RNF157: variants seen among roughly 807,000 people sequenced by gnomAD.
RNF157 encodes the protein ring finger protein 157.
In RNF157, 55 loss-of-function variants were observed where a neutral mutation model predicts 88.3. The observed-to-expected ratio is 0.62, with a 90% CI of 0.50 to 0.78. The LOEUF is 0.78. Ranked by LOEUF, RNF157 falls within the 30% of genes least tolerant of loss-of-function variation. The pLI, the probability that RNF157 is intolerant of heterozygous loss-of-function variation, is 0.00. For synonymous variants in RNF157, 334 were observed against 341.2 expected (o/e 0.98, Z 0.23); for missense variants, 788 against 860.8 (o/e 0.92, Z 1.06).
At position 76,209,235 on chromosome 17, in the gene RNF157, C is replaced by T. The variant is rs116684370; in HGVS notation, c.207+3129G>A. On this transcript the variant is annotated intron_variant, in intron 2 of 18. Coordinates refer to ENST00000269391, the MANE Select transcript of RNF157 (RefSeq NM_052916.3). ...CACATGCCACTGTGCCCAGCTTGAT[C>T]TTCTTTGGGAAAAAGCCTCAACTTT... Among the ~76,000 whole-genome samples the T allele has an allele frequency of 6.1e-3, 926 of 152,142 alleles. 11 individuals carry two copies. Among genetic ancestry groups the T allele is most frequent in the African/African-American group, 0.021 (881 of 41,502 alleles).
Position 76,155,666 on chromosome 17 carries a change from CG to C in RNF157, c.1593del (p.Val532SerfsTer62), listed in dbSNP as rs1427982632. On this transcript the variant is annotated frameshift_variant, in exon 15 of 19. Transcript: ENST00000269391. LOFTEE classifies it high-confidence loss of function. ...SMASSQISTDTVSSMSGSYIA... is the reference protein window; with the variant it reads ...SMASSQISTDXVSSMSGSYIA... ...ATGTAGGAGCCAGACATGGAGGAGA[CG>C]GTGTCAGTGCTGATCTGGGAGGATG... The C allele has an allele frequency of 1.2e-6, 2 of 1,613,294 alleles. No homozygotes were observed. Among genetic ancestry groups the C allele is most frequent in the Non-Finnish European group, 1.7e-6 (2 of 1,179,712 alleles).
chr17:76,156,142 G>A, intron 14 of RNF157, 68 bp downstream of exon 14: 1 of 1,228,626 alleles, frequency 8.1e-7, no homozygotes, highest in African/African-American at 1.5e-5. Flanking sequence ...CTTCCCGGAA[G>A]AAGCACCAGG....
intron 2 of RNF157, among the ~76,000 whole-genome samples, chr17:76,177,971 T>C (rs1421484298): frequency 6.6e-6 from 1 of 152,204 alleles, no homozygotes; most frequent in African/African-American, 2.4e-5. Context: ...CGGAAAGAGC[T>C]ACCCACTGCG....
At chr17:76,210,397 T>A (rs542016291) in intron 2 of RNF157, among the ~76,000 whole-genome samples, 11 of 151,654 alleles carry the variant, frequency 7.3e-5, no homozygotes, top group African/African-American at 2.2e-4. Flanking sequence ...GAGACCATCC[T>A]GGCTAACACA....
chr17:76,159,134 T>C (rs1350267597), intron 12 of RNF157, among the ~76,000 whole-genome samples: 1 of 152,204 alleles, frequency 6.6e-6, no homozygotes, highest in Non-Finnish European at 1.5e-5. Flanking sequence ...GAGATTTGTC[T>C]CATCAGAGTT....
At chr17:76,226,462 C>T (rs1192564571) in intron 1 of RNF157, 16 of 1,604,892 alleles carry the variant, frequency 1.0e-5, no homozygotes, top group Non-Finnish European at 1.4e-5. Flanking sequence ...TGTCATCCAA[C>T]GTGGTCAAAA....
At chr17:76,163,066 G>A (rs2068868269) in intron 8 of RNF157, 1 of 156,132 alleles carries the variant, frequency 6.4e-6, no homozygotes, top group Admixed American at 6.5e-5. Flanking sequence ...AAGATGGGAA[G>A]GGAAAATATG....
chr17:76,191,613 A>C (rs1163827871), intron 2 of RNF157, among the ~76,000 whole-genome samples: 3 of 151,620 alleles, frequency 2.0e-5, no homozygotes, highest in Non-Finnish European at 4.4e-5. Flanking sequence ...AAAAAAAAAA[A>C]AAAAAAAAAC....
intron 2 of RNF157, among the ~76,000 whole-genome samples, chr17:76,174,162 A>G (rs1024438405): frequency 2.0e-5 from 3 of 152,044 alleles, no homozygotes; most frequent in Admixed American, 6.6e-5. Context: ...CTGACCTCAG[A>G]CGACAGGGAA....
chr17:76,208,470 G>T (rs1316418919), intron 2 of RNF157, among the ~76,000 whole-genome samples: 1 of 152,162 alleles, frequency 6.6e-6, no homozygotes, highest in African/African-American at 2.4e-5. Context: ...ATCATGATGT[G>T]AGGACAAAAT....
At chr17:76,150,422 G>A in intron 18 of RNF157, among the ~76,000 whole-genome samples, 1 of 152,172 alleles carries the variant, frequency 6.6e-6, no homozygotes, top group Non-Finnish European at 1.5e-5. Context: ...CAGGTTAGCT[G>A]GAGGGAGTCA....
chr17:76,209,756 T>A (rs554094049), intron 2 of RNF157, among the ~76,000 whole-genome samples: 4 of 152,094 alleles, frequency 2.6e-5, no homozygotes, highest in Non-Finnish European at 5.9e-5. Flanking sequence ...ACGGCTACTT[T>A]CATTTTTGTT....
At chr17:76,156,188 C>A in intron 14 of RNF157, 22 bp downstream of exon 14, 1 of 1,566,810 alleles carries the variant, frequency 6.4e-7, no homozygotes, top group Non-Finnish European at 8.8e-7. Context: ...GGACATGCAG[C>A]CACTCCCCGC....
intron 1 of RNF157, among the ~76,000 whole-genome samples, chr17:76,227,771 G>A (rs996693344): frequency 2.0e-5 from 3 of 152,180 alleles, no homozygotes; most frequent in Admixed American, 6.5e-5. Context: ...CAGCTACTCA[G>A]GAGGCTCAGG....
intron 2 of RNF157, among the ~76,000 whole-genome samples, chr17:76,181,600 C>T (rs536280409): frequency 1.3e-5 from 2 of 152,160 alleles, no homozygotes; most frequent in Admixed American, 6.5e-5. Context: ...AATATGGCGA[C>T]TTCTTCACTA....
intron 2 of RNF157, among the ~76,000 whole-genome samples, chr17:76,181,650 C>A (rs1466991753): frequency 6.6e-6 from 1 of 152,114 alleles, no homozygotes; most frequent in Non-Finnish European, 1.5e-5. Context: ...TGGCTCACAT[C>A]TAATCCCAGC....
At chr17:76,158,601 T>C (rs2068802678) in intron 12 of RNF157, 100 bp from the exon 13 acceptor site, 2 of 809,384 alleles carry the variant, frequency 2.5e-6, no homozygotes, top group South Asian at 1.4e-5. Flanking sequence ...TATTTTTTGC[T>C]TGTTTATTTT....
chr17:76,203,906 TAC>T (rs928428803), intron 2 of RNF157, among the ~76,000 whole-genome samples: 1 of 151,866 alleles, frequency 6.6e-6, no homozygotes, highest in African/African-American at 2.4e-5. Context: ...TAGCTGGGAC[TAC>T]AGGCGCCCGC....
chr17:76,158,892 G>C (rs756249791), intron 12 of RNF157, among the ~76,000 whole-genome samples: 2 of 152,134 alleles, frequency 1.3e-5, no homozygotes, highest in Non-Finnish European at 2.9e-5. Flanking sequence ...GCCATTTACA[G>C]GGTCTCAATA....
Sources: allele counts gnomAD v4.1 joint callset (sites outside exome capture counted in the v4.1 genomes callset), GRCh38; gene constraint gnomAD v4.1.1; transcripts MANE v1.5; gene names NCBI Gene and HGNC (gene_info 2026-07-23, HGNC 2026-07-21).